The following MAMLD1 variants were observed in gnomAD, a reference collection of about 807,000 sequenced individuals.
The protein encoded by MAMLD1 is mastermind like domain containing 1.
In MAMLD1, 14 loss-of-function variants were observed where a neutral mutation model predicts 45.0. The observed-to-expected ratio is 0.31, with a 90% CI of 0.21 to 0.49. MAMLD1 has a LOEUF of 0.49. Among genes scored for constraint, MAMLD1 ranks in the 20% least tolerant of loss-of-function variants. The pLI is 0.99. For missense variants in MAMLD1, 543 were observed against 603.6 expected (o/e 0.90, Z 1.05); for synonymous variants, 254 against 247.8 (o/e 1.02, Z -0.24).
At position 150,473,713 on chromosome X, in the gene MAMLD1, G is replaced by A. The variant is rs1557406696; in HGVS notation, c.1951G>A (p.Ala651Thr). Residue 651 changes from alanine to threonine, a missense_variant, in exon 5 of 8, where the codon GCT (alanine) becomes ACT (threonine). Coordinates refer to ENST00000370401, the MANE Select transcript of MAMLD1 (RefSeq NM_005491.5). ...CCHLFAWTSA[A>T]SSVKPQHQHG... ...CCATCTGTTTGCATGGACTTCTGCA[G>A]CTAGCTCGGTGAAGCCCCAGCATCA... 2.5e-6 allele frequency: 3 copies of A among 1,207,974 alleles called. No individual in the cohort carries two copies. In the Admixed American group the frequency reaches 6.5e-5, roughly 26 times the overall value.
intron 6 of MAMLD1, among the ~76,000 whole-genome samples, chrX:150,508,186 GC>G (rs2037789003): frequency 8.9e-6 from 1 of 112,734 alleles, no homozygotes; most frequent in East Asian, 2.8e-4. Flanking sequence ...TTCAGAAATG[GC>G]TGCCAACCCT....
At chrX:150,502,500 A>G (rs1289456619) in intron 5 of MAMLD1, among the ~76,000 whole-genome samples, 3 of 112,308 alleles carry the variant, frequency 2.7e-5, no homozygotes, top group African/African-American at 6.5e-5. Flanking sequence ...TTTTGCTGAC[A>G]TGGATATCAA....
chrX:150,495,298 G>A (rs7049981), intron 5 of MAMLD1, among the ~76,000 whole-genome samples: 4,662 of 109,335 alleles, frequency 0.043, 225 homozygotes, highest in African/African-American at 0.14. Context: ...AGAGTCCCAG[G>A]CCATTAGTAG....
At chrX:150,423,348 C>CTGTGTGTGTGTG (rs1246327427) in intron 1 of MAMLD1, among the ~76,000 whole-genome samples, 613 of 7,833 alleles carry the variant, frequency 0.078, 8 homozygotes, top group African/African-American at 0.09. Flanking sequence ...ACATTATACT[C>CTGTGTGTGTGTG]TGTGTGTGTG....
chrX:150,384,320 G>C (rs1292914830), intron 1 of MAMLD1, among the ~76,000 whole-genome samples: 2 of 112,005 alleles, frequency 1.8e-5, no homozygotes, highest in East Asian at 2.8e-4. Context: ...TGAGCATAAA[G>C]TGGTATTTCA....
At chrX:150,490,770 A>G (rs1014442124) in intron 5 of MAMLD1, among the ~76,000 whole-genome samples, 2 of 112,081 alleles carry the variant, frequency 1.8e-5, no homozygotes, top group Non-Finnish European at 3.8e-5. Flanking sequence ...GAATCAAGAC[A>G]TAAAAATCTT....
chrX:150,454,363 A>G (rs781812966), intron 2 of MAMLD1, among the ~76,000 whole-genome samples: 2 of 112,294 alleles, frequency 1.8e-5, no homozygotes, highest in African/African-American at 6.5e-5. Flanking sequence ...CTAAGTGTAC[A>G]GTATCTAACT....
rs143551029 is a variant in MAMLD1, at chrX:150,457,445, A to G, written c.97-5327A>G. 4.7e-3 allele frequency among the ~76,000 whole-genome samples: 532 copies of G among 112,439 alleles called. 6 individuals are homozygous for G. The highest frequency in any genetic ancestry group is 0.016 in the African/African-American group (507 of 30,933). On this transcript the variant is annotated intron_variant, in intron 2 of 7. Transcript: ENST00000370401. Reference sequence around the variant, plus strand: ...CAAGAAGTTAGTTCAACATAAAATTACACCATGACCTAGCAATTCCACTCC... The same window carrying G: ...CAAGAAGTTAGTTCAACATAAAATTGCACCATGACCTAGCAATTCCACTCC...
chrX:150,509,839 T>G, intron 6 of MAMLD1, 123 bp from the exon 7 acceptor site: 1 of 568,465 alleles, frequency 1.8e-6, no homozygotes, highest in South Asian at 2.4e-5. Flanking sequence ...GAGTGTATGC[T>G]GGTGTGTTTA....
chrX:150,511,634 G>A (rs1197997897), intron 7 of MAMLD1, among the ~76,000 whole-genome samples: 1 of 112,192 alleles, frequency 8.9e-6, no homozygotes, highest in East Asian at 2.8e-4. Flanking sequence ...TGCACCACCT[G>A]TCAAAGGGTG....
chrX:150,421,904 A>C (rs1341000909), intron 1 of MAMLD1, among the ~76,000 whole-genome samples: 2 of 112,289 alleles, frequency 1.8e-5, no homozygotes, highest in Non-Finnish European at 3.8e-5. Context: ...AGGCGGTCTA[A>C]GATCTTTCCA....
At chrX:150,368,028 A>G (rs1461263003) in intron 1 of MAMLD1, among the ~76,000 whole-genome samples, 3 of 111,086 alleles carry the variant, frequency 2.7e-5, no homozygotes, top group Non-Finnish European at 5.7e-5. Context: ...ATACGTGTGC[A>G]TGTGTCTTTA....
chrX:150,397,305 A>T (rs2033457168), intron 1 of MAMLD1, among the ~76,000 whole-genome samples: 1 of 112,115 alleles, frequency 8.9e-6, no homozygotes, highest in Non-Finnish European at 1.9e-5. Flanking sequence ...ATATGTATAA[A>T]TTGTTAAACA....
At chrX:150,480,142 C>T (rs2036710012) in intron 5 of MAMLD1, among the ~76,000 whole-genome samples, 1 of 111,764 alleles carries the variant, frequency 8.9e-6, no homozygotes, top group African/African-American at 3.3e-5. Flanking sequence ...TTTCCCGAGT[C>T]TATTTGTACT....
chrX:150,400,068 A>T (rs782808464), intron 1 of MAMLD1, among the ~76,000 whole-genome samples: 1 of 111,152 alleles, frequency 9.0e-6, no homozygotes, highest in South Asian at 3.8e-4. Context: ...CGGTGGCCTA[A>T]GAGATCTACA....
chrX:150,466,721 A>G (rs1298158882), intron 3 of MAMLD1, among the ~76,000 whole-genome samples: 1 of 111,971 alleles, frequency 8.9e-6, no homozygotes, highest in Non-Finnish European at 1.9e-5. Context: ...GCAGTTGATG[A>G]GTGCTGGAAA....
At chrX:150,441,175 A>G (rs968767992) in intron 1 of MAMLD1, among the ~76,000 whole-genome samples, 3 of 108,069 alleles carry the variant, frequency 2.8e-5, no homozygotes, top group Non-Finnish European at 5.7e-5. Flanking sequence ...TATCGCTAAT[A>G]TTTATCATTT....
In MAMLD1 at chrX:150,513,685, CT is replaced by C. The variant is rs2037964680; in HGVS notation, c.*1729del. On this transcript the variant is annotated 3_prime_UTR_variant, in exon 8 of 8. Transcript: ENST00000370401. ...TATCGTTAAGTGCCCCACAGAGACACTTTACCAGGAGGCTGGGAGAGTTCTC... is the reference window on the plus strand; with the variant it reads ...TATCGTTAAGTGCCCCACAGAGACACTTACCAGGAGGCTGGGAGAGTTCTC... The C allele has an allele frequency of 1.7e-5, 5 of 296,154 alleles. No individual in the cohort carries two copies. The highest frequency in any genetic ancestry group is 1.1e-4 in the African/African-American group (4 of 36,416). 24.4% of individuals were successfully genotyped at this position (296,154 alleles called of 1,213,427 possible). A position where few individuals can be genotyped will look rare whatever the true frequency, so the allele number is the denominator to read the frequency against.
chrX:150,377,530 C>T (rs1025828779), intron 1 of MAMLD1, among the ~76,000 whole-genome samples: 5 of 111,400 alleles, frequency 4.5e-5, no homozygotes, highest in Non-Finnish European at 9.4e-5. Context: ...TCTTTGAATA[C>T]CCACTGTGCC....
Sources: gnomAD v4.1 joint callset for allele counts (sites outside exome capture counted in the v4.1 genomes callset) on GRCh38, gnomAD v4.1.1 for gene constraint, MANE v1.5 for transcripts, NCBI Gene and HGNC (gene_info 2026-07-23, HGNC 2026-07-21) for gene names.